Variants in COPS8 observed in about 807,000 individuals in gnomAD.
COPS8 encodes the protein COP9 signalosome subunit 8, also known as COP9 signalosome complex subunit 8.
In COPS8, 11 loss-of-function variants were observed where a neutral mutation model predicts 31.5. That is an observed-to-expected ratio of 0.35 (90% confidence interval 0.22 to 0.58). The LOEUF (loss-of-function observed/expected upper bound fraction) is 0.58, where lower values mean the gene tolerates loss of function less well. Among genes scored for constraint, COPS8 ranks in the 20% least tolerant of loss-of-function variants. The pLI, the probability that COPS8 is intolerant of heterozygous loss-of-function variation, is 0.83. For missense variants in COPS8, 215 were observed against 255.1 expected, an observed-to-expected ratio of 0.84 and a Z score of 1.07; for synonymous variants, 81 against 89.3, an observed-to-expected ratio of 0.91 and a Z score of 0.52.
chr2:237,093,724 G>T (rs766821279), intron 4 of COPS8: 80 of 988,912 alleles, frequency 8.1e-5, no homozygotes, highest in Non-Finnish European at 9.4e-5. Flanking sequence ...TCAGTTTTCT[G>T]CTCCTTTGAT....
chr2:237,090,569 T>C (rs1696688796), intron 4 of COPS8, among the ~76,000 whole-genome samples: 1 of 152,228 alleles, frequency 6.6e-6, no homozygotes, highest in South Asian at 2.1e-4. Context: ...TATATAATCT[T>C]GTTTTATGTT....
At chr2:237,088,456 C>T in intron 2 of COPS8, 149 bp from the exon 3 acceptor site, 1 of 454,286 alleles carries the variant, frequency 2.2e-6, no homozygotes, top group Non-Finnish European at 3.9e-6. Flanking sequence ...TATTGTTTCC[C>T]CAAAACAAAT....
intron 7 of COPS8, among the ~76,000 whole-genome samples, chr2:237,097,224 C>CTTTTT (rs996251270): frequency 1.2e-3 from 111 of 95,710 alleles, no homozygotes; most frequent in South Asian, 2.1e-3. Context: ...TGTGGGTTTT[C>CTTTTT]TTTTTTTTTT....
chr2:237,093,704 A>G, intron 4 of COPS8: 4 of 987,666 alleles, frequency 4.0e-6, no homozygotes, highest in Non-Finnish European at 4.8e-6. Context: ...AGGACAGCTG[A>G]TTACGCAAAT....
chr2:237,095,963 T>A, intron 6 of COPS8, 79 bp downstream of exon 6: 2 of 958,626 alleles, frequency 2.1e-6, no homozygotes, highest in Non-Finnish European at 1.7e-6. Flanking sequence ...TGGTTTTTGA[T>A]AATTGGATGT....
intron 6 of COPS8, among the ~76,000 whole-genome samples, chr2:237,096,325 A>G (rs1050018349): frequency 6.6e-6 from 1 of 152,058 alleles, no homozygotes; most frequent in African/African-American, 2.4e-5. Context: ...CCCTCCTTTT[A>G]AGGCCTTAAT....
At chr2:237,088,104 G>T (rs568606709) in intron 2 of COPS8, among the ~76,000 whole-genome samples, 4 of 151,536 alleles carry the variant, frequency 2.6e-5, no homozygotes, top group African/African-American at 9.7e-5. Flanking sequence ...TTTTGTTTTT[G>T]TTTTGTAAAA....
chr2:237,096,787 G>T, intron 6 of COPS8, 35 bp from the exon 7 acceptor site: 1 of 1,562,808 alleles, frequency 6.4e-7, no homozygotes, highest in South Asian at 1.1e-5. Flanking sequence ...AATGACTTCT[G>T]TAAATTGAGC....
chr2:237,097,463 C>A (rs931944664), intron 7 of COPS8, among the ~76,000 whole-genome samples, 200 bp from the exon 8 acceptor site: 7 of 152,254 alleles, frequency 4.6e-5, no homozygotes, highest in Non-Finnish European at 8.8e-5. Flanking sequence ...AAACCATACT[C>A]ATAAAAGTTG....
In COPS8 at chr2:237,094,184, A is replaced by G. The variant is rs776793969; in HGVS notation, c.426A>G (p.Glu142=). 9 of 1,613,840 alleles carry G rather than the reference A, an allele frequency of 5.6e-6. No individual in the cohort carries two copies. Among genetic ancestry groups the G allele is most frequent in the South Asian group, 5.5e-5 (5 of 91,014 alleles). ...DFAAFVGLPV[E]EAVKGILEQG... Reference sequence around the variant, plus strand: ...CAGCCTTTGTTGGACTTCCTGTAGAAGAGGCTGTGAAAGGTAATTTTGGCT... The same window carrying G: ...CAGCCTTTGTTGGACTTCCTGTAGAGGAGGCTGTGAAAGGTAATTTTGGCT... Residue 142 remains glutamate, a synonymous_variant, in exon 5 of 8, where the codon GAA becomes GAG. Transcript: ENST00000354371.
chr2:237,097,914 C>A lies in COPS8; in HGVS notation c.*172C>A. On this transcript the variant is annotated 3_prime_UTR_variant, in exon 8 of 8. Coordinates refer to ENST00000354371, the MANE Select transcript of COPS8 (RefSeq NM_006710.5). ...ATACTATATACATTTTGTCCATAAA[C>A]GTTATGCTGAATAGTTGTTGAAACA... is the stretch of plus-strand genomic sequence containing the variant. 1 of 492,110 alleles carries A rather than the reference C, an allele frequency of 2.0e-6. No homozygotes were observed. The highest frequency in any genetic ancestry group is 3.6e-6 in the Non-Finnish European group (1 of 276,962). 30.5% of individuals were successfully genotyped at this position (492,110 alleles called of 1,614,324 possible). A position where few individuals can be genotyped will look rare whatever the true frequency, so the allele number is the denominator to read the frequency against.
chr2:237,097,924 A>T lies in COPS8; in HGVS notation c.*182A>T. ...CATTTTGTCCATAAACGTTATGCTG[A>T]ATAGTTGTTGAAACAGTTCTCATTT... On this transcript the variant is annotated 3_prime_UTR_variant, in exon 8 of 8. Transcript: ENST00000354371. 2.1e-6 allele frequency: 1 copy of T among 473,404 alleles called. No individual in the cohort carries two copies. Among genetic ancestry groups the T allele is most frequent in the Non-Finnish European group, 3.8e-6 (1 of 265,672 alleles). 29.3% of individuals were successfully genotyped at this position (473,404 alleles called of 1,614,324 possible). A position where few individuals can be genotyped will look rare whatever the true frequency, so the allele number is the denominator to read the frequency against.
chr2:237,089,018 G>A (rs1455403539), intron 3 of COPS8, among the ~76,000 whole-genome samples: 3 of 152,092 alleles, frequency 2.0e-5, no homozygotes, highest in East Asian at 1.9e-4. Flanking sequence ...AACTGCCATC[G>A]TTTACAAGAA....
At chr2:237,093,708 C>T (rs1174396246) in intron 4 of COPS8, 16 of 987,182 alleles carry the variant, frequency 1.6e-5, no homozygotes, top group African/African-American at 3.5e-5. Context: ...CAGCTGATTA[C>T]GCAAATCAGT....
chr2:237,096,949 G>A, intron 7 of COPS8, 80 bp downstream of exon 7: 1 of 913,198 alleles, frequency 1.1e-6, no homozygotes, highest in Admixed American at 2.2e-5. Flanking sequence ...ATATGTGTGT[G>A]TGAGTGTGTG....
intron 4 of COPS8, chr2:237,093,581 A>G (rs1268300705): frequency 1.7e-6 from 1 of 584,402 alleles, no homozygotes; most frequent in African/African-American, 2.0e-5. Context: ...GGAATTTAGG[A>G]TTTTGAACCT....
intron 5 of COPS8, among the ~76,000 whole-genome samples, 160 bp from the exon 6 acceptor site, chr2:237,095,662 G>A (rs1208994383): frequency 2.0e-5 from 3 of 152,254 alleles, no homozygotes; most frequent in Non-Finnish European, 4.4e-5. Flanking sequence ...TCAATAATAA[G>A]TTTCCATGCT....
intron 6 of COPS8, among the ~76,000 whole-genome samples, chr2:237,096,236 GC>G (rs1051233101): frequency 2.6e-5 from 4 of 151,784 alleles, no homozygotes; most frequent in Non-Finnish European, 4.4e-5. Context: ...ATATTCAACT[GC>G]CCCCCTTTTC....
intron 3 of COPS8, among the ~76,000 whole-genome samples, chr2:237,089,151 T>G (rs1696666048): frequency 6.6e-6 from 1 of 152,156 alleles, no homozygotes; most frequent in Non-Finnish European, 1.5e-5. Context: ...TGGAATGAAG[T>G]AAAATTTTAA....
Sources: gnomAD v4.1 joint callset for allele counts (sites outside exome capture counted in the v4.1 genomes callset) on GRCh38, gnomAD v4.1.1 for gene constraint, MANE v1.5 for transcripts, NCBI Gene and HGNC (gene_info 2026-07-23, HGNC 2026-07-21) for gene names.